The following LITAF variants were observed in gnomAD, a reference collection of about 807,000 sequenced individuals.
LITAF encodes lipopolysaccharide-induced tumor necrosis factor-alpha factor.
A neutral mutation model predicts 14.5 loss-of-function variants in LITAF; 9 were observed. The observed-to-expected ratio is 0.62, with a 90% CI of 0.37 to 1.08. The LOEUF (loss-of-function observed/expected upper bound fraction) is 1.08. Among genes scored for constraint, LITAF ranks in the 50% least tolerant of loss-of-function variants. LITAF has a pLI of 0.01. For missense variants in LITAF, 206 were observed against 213.4 expected, an observed-to-expected ratio of 0.97 and a Z score of 0.22; for synonymous variants, 98 against 88.2, an observed-to-expected ratio of 1.11 and a Z score of -0.62.
chr16:11,618,697 C>T (rs187732227), intron 3 of LITAF, among the ~76,000 whole-genome samples: 8 of 152,086 alleles, frequency 5.3e-5, no homozygotes, highest in Non-Finnish European at 1.0e-4. Flanking sequence ...TAAAAACCCC[C>T]GCACTGGCCG....
In LITAF at chr16:11,551,873, C is replaced by T. The variant is rs11859393; in HGVS notation, c.377+1660G>A. 0.023 allele frequency: 10,802 copies of T among 472,408 alleles called. 544 individuals are homozygous for T. Among genetic ancestry groups the T allele is most frequent in the African/African-American group, 0.14 (6,958 of 49,082 alleles). 29.3% of individuals were successfully genotyped at this position (472,408 alleles called of 1,614,324 possible). A position where few individuals can be genotyped will look rare whatever the true frequency, so the allele number is the denominator to read the frequency against. ...GTTTCTATTCCATCTTTCCCTGATT[C>T]CAAAGATAAAAAATTTGTTTTAATA... On this transcript the variant is annotated intron_variant, in intron 3 of 3. Transcript: ENST00000622633.
chr16:11,613,829 C>T lies in LITAF; in HGVS notation c.85+19704G>A, dbSNP rs888913444. 5.9e-5 allele frequency among the ~76,000 whole-genome samples: 9 copies of T among 152,318 alleles called. No individual in the cohort carries two copies. In the South Asian group the frequency reaches 1.0e-3, roughly 18 times the overall value. ...ATCTCAGAAATGAGGATCTGTACTC[C>T]GAGAGCCGGCCTCACCCTGCCACAT... On this transcript the variant is annotated intron_variant, in intron 3 of 3. Coordinates refer to the LITAF transcript ENST00000574848.
At chr16:11,637,968 ATATATC>A (rs1348181497), upstream of LITAF, among the ~76,000 whole-genome samples, 28 of 36,966 alleles carry the variant, frequency 7.6e-4, 4 homozygotes, top group African/African-American at 3.5e-3. Context: ...ATATATATCT[ATATATC>A]TATATATATC....
intron 3 of LITAF, among the ~76,000 whole-genome samples, chr16:11,620,586 A>G (rs1272297506): frequency 6.6e-6 from 1 of 152,236 alleles, no homozygotes; most frequent in Non-Finnish European, 1.5e-5. Context: ...TGCCTAAAAC[A>G]GCCTCCCAAA....
intron 3 of LITAF, among the ~76,000 whole-genome samples, chr16:11,604,140 G>A (rs1420363128): frequency 1.3e-5 from 2 of 152,076 alleles, no homozygotes; most frequent in Non-Finnish European, 2.9e-5. Flanking sequence ...GACCAGCTTA[G>A]GCAACATAGT....
chr16:11,621,013 A>G (rs2141893538), intron 3 of LITAF, among the ~76,000 whole-genome samples: 1 of 151,620 alleles, frequency 6.6e-6, no homozygotes, highest in Admixed American at 6.5e-5. Context: ...CTGCCACCTC[A>G]GTCTCCTGAG....
intron 1 of LITAF, among the ~76,000 whole-genome samples, chr16:11,573,910 C>T (rs2064587350): frequency 6.6e-6 from 1 of 151,848 alleles, no homozygotes; most frequent in Admixed American, 6.6e-5. Flanking sequence ...CCACGTTGGC[C>T]AGGCTGGTCT....
chr16:11,626,807 A>G (rs562562106), intron 3 of LITAF, among the ~76,000 whole-genome samples: 7 of 151,840 alleles, frequency 4.6e-5, no homozygotes, highest in Admixed American at 2.0e-4. Flanking sequence ...GGTCCACTAT[A>G]TTTTTATTTA....
chr16:11,633,502 G>A (rs1335273920), intron 3 of LITAF: 1 of 152,158 alleles, frequency 6.6e-6, no homozygotes, highest in Non-Finnish European at 1.5e-5. Flanking sequence ...TGATAAAATA[G>A]GTTGCAGTAA....
At chr16:11,604,949 G>A (rs1030583948) in intron 3 of LITAF, among the ~76,000 whole-genome samples, 2 of 152,084 alleles carry the variant, frequency 1.3e-5, no homozygotes, top group Non-Finnish European at 2.9e-5. Context: ...CTGCCATCTC[G>A]GTCATCTTTG....
chr16:11,628,459 A>G (rs1297634167), intron 3 of LITAF, among the ~76,000 whole-genome samples: 1 of 152,210 alleles, frequency 6.6e-6, no homozygotes, highest in East Asian at 1.9e-4. Context: ...GAAAGTATCC[A>G]ATGAAAGGGA....
upstream of LITAF, among the ~76,000 whole-genome samples, chr16:11,602,834 C>T (rs2064935774): frequency 6.6e-6 from 1 of 151,322 alleles, no homozygotes; most frequent in Non-Finnish European, 1.5e-5. Context: ...AGGTGGGATT[C>T]AGTGACTGAC....
At chr16:11,603,916 G>A (rs564499686) in intron 3 of LITAF, among the ~76,000 whole-genome samples, 80 of 152,132 alleles carry the variant, frequency 5.3e-4, no homozygotes, top group African/African-American at 1.8e-3. Context: ...GCGTGGTGGC[G>A]GGCGCCTGTA....
At position 11,577,900 on chromosome 16, in the gene LITAF, T is replaced by G. The variant is rs542283027; in HGVS notation, c.-6+8986A>C. ...TCAACAAGCCCAGCTAATTTTCTAT[T>G]TTTTGTAGAGATGGGGTCTTGCTCA... On this transcript the variant is annotated intron_variant, in intron 1 of 3. Coordinates refer to ENST00000622633, the MANE Select transcript of LITAF (RefSeq NM_001136472.2). Among the ~76,000 whole-genome samples the G allele has an allele frequency of 1.1e-4, 17 of 152,112 alleles. 1 individual carries two copies. In the South Asian group the frequency reaches 2.5e-3, roughly 22 times the overall value.
At chr16:11,611,478 T>C (rs1429147039) in intron 3 of LITAF, among the ~76,000 whole-genome samples, 1 of 152,220 alleles carries the variant, frequency 6.6e-6, no homozygotes, top group African/African-American at 2.4e-5. Flanking sequence ...CATTTGAATT[T>C]AACCAGGCAT....
Position 11,605,155 on chromosome 16 carries a change from A to G in LITAF, c.85+28378T>C, listed in dbSNP as rs1455230333. 6.6e-6 allele frequency among the ~76,000 whole-genome samples: 1 copy of G among 151,434 alleles called. No individual in the cohort carries two copies. The highest frequency in any genetic ancestry group is 1.5e-5 in the Non-Finnish European group (1 of 67,858). On this transcript the variant is annotated intron_variant, in intron 3 of 3. Transcript: ENST00000574848. The surrounding 1 kb of genome is among the most constrained non-coding windows in gnomAD (Gnocchi z 4.7). ...CTTTCCTCTCTCTCTCTCTCTCTCCACTGTGCAAACAGGGAGCCCAAGCTC... is the reference window on the plus strand; with the variant it reads ...CTTTCCTCTCTCTCTCTCTCTCTCCGCTGTGCAAACAGGGAGCCCAAGCTC...
At chr16:11,626,117 T>C (rs1263382971) in intron 3 of LITAF, among the ~76,000 whole-genome samples, 1 of 152,072 alleles carries the variant, frequency 6.6e-6, no homozygotes, top group African/African-American at 2.4e-5. Context: ...CAATAAATGG[T>C]ATGAATTAGT....
At chr16:11,627,209 A>G (rs946533309) in intron 3 of LITAF, among the ~76,000 whole-genome samples, 6 of 152,222 alleles carry the variant, frequency 3.9e-5, no homozygotes, top group Admixed American at 3.3e-4. Context: ...AAGCCAAGCC[A>G]ATGACAATCA....
upstream of LITAF, among the ~76,000 whole-genome samples, chr16:11,590,375 G>A (rs1034764312): frequency 6.8e-5 from 8 of 117,164 alleles, 2 homozygotes; most frequent in Non-Finnish European, 1.4e-4. Flanking sequence ...ACTTAATGAT[G>A]GTTCAATTAT....
Sources: gnomAD v4.1 joint callset for allele counts (sites outside exome capture counted in the v4.1 genomes callset) on GRCh38, gnomAD v4.1.1 for gene constraint, Gnocchi (gnomAD v3.1) non-coding constraint, MANE v1.5 for transcripts, NCBI Gene and HGNC (gene_info 2026-07-23, HGNC 2026-07-21) for gene names.